Variants in ZNF385D observed in about 807,000 individuals in gnomAD.
The protein encoded by ZNF385D is zinc finger protein 385D, also known as zinc finger protein 659.
In ZNF385D, 15 loss-of-function variants were observed where a neutral mutation model predicts 35.8. The observed-to-expected ratio is 0.42, with a 90% CI of 0.28 to 0.64. The LOEUF is 0.64. Among genes scored for constraint, ZNF385D ranks in the 30% least tolerant of loss-of-function variants. ZNF385D has a pLI of 0.23. For synonymous variants in ZNF385D, 212 were observed against 186.8 expected (o/e 1.13, Z -1.10); for missense variants, 474 against 494.6 (o/e 0.96, Z 0.39).
At chr3:21,925,079 A>G (rs2125232196) in intron 3 of ZNF385D, among the ~76,000 whole-genome samples, 1 of 152,346 alleles carries the variant, frequency 6.6e-6, no homozygotes, top group South Asian at 2.1e-4. Flanking sequence ...AATTCTGCCA[A>G]AATTGATATA....
At chr3:21,946,864 A>G (rs1017079109) in intron 3 of ZNF385D, among the ~76,000 whole-genome samples, 6 of 152,198 alleles carry the variant, frequency 3.9e-5, no homozygotes, top group Non-Finnish European at 7.4e-5. Context: ...TAAAAAAATT[A>G]CTTTCTCATT....
chr3:21,558,111 A>AT (rs57100355), intron 3 of ZNF385D, among the ~76,000 whole-genome samples: 1,931 of 126,110 alleles, frequency 0.015, 22 homozygotes, highest in East Asian at 0.025. Flanking sequence ...GGATTCATTG[A>AT]TTTTTTTTTT....
At chr3:21,663,921 ATT>A (rs2066319823) in intron 2 of ZNF385D, among the ~76,000 whole-genome samples, 1 of 134,528 alleles carries the variant, frequency 7.4e-6, no homozygotes, top group African/African-American at 2.7e-5. Context: ...ATATATATTT[ATT>A]TATTTAAATC....
chr3:22,056,294 A>T, intron 3 of ZNF385D, among the ~76,000 whole-genome samples: 1 of 23,890 alleles, frequency 4.2e-5, no homozygotes, highest in Non-Finnish European at 8.8e-5. Flanking sequence ...AAAAAAAAAA[A>T]AAAAAAAAAA....
intron 2 of ZNF385D, among the ~76,000 whole-genome samples, chr3:22,188,338 C>T (rs1400037711): frequency 6.6e-6 from 1 of 152,116 alleles, no homozygotes; most frequent in African/African-American, 2.4e-5. Flanking sequence ...CTAAATCCTA[C>T]CTATAATAGT....
intron 3 of ZNF385D, among the ~76,000 whole-genome samples, chr3:21,953,622 T>G (rs993734584): frequency 3.3e-5 from 5 of 152,062 alleles, no homozygotes; most frequent in African/African-American, 1.2e-4. Context: ...ATTTTTTACC[T>G]CAACTAAACC....
intron 5 of ZNF385D, among the ~76,000 whole-genome samples, chr3:21,429,621 C>G (rs1405445459): frequency 6.6e-6 from 1 of 152,014 alleles, no homozygotes; most frequent in East Asian, 1.9e-4. Flanking sequence ...TCTCTCGATT[C>G]ACAGTGCCAA....
chr3:21,540,734 T>A (rs188407442), intron 3 of ZNF385D, among the ~76,000 whole-genome samples: 1 of 152,290 alleles, frequency 6.6e-6, no homozygotes, highest in Admixed American at 6.5e-5. Flanking sequence ...TTATGCCCAA[T>A]AAAGAGTAAC....
intron 2 of ZNF385D, among the ~76,000 whole-genome samples, chr3:21,572,955 T>A (rs1308024228): frequency 1.2e-4 from 18 of 152,168 alleles, no homozygotes; most frequent in South Asian, 1.0e-3. Flanking sequence ...GACACTTTTT[T>A]TTTTACTCCA....
chr3:21,823,487 G>C (rs1694407075), intron 3 of ZNF385D, among the ~76,000 whole-genome samples: 1 of 152,076 alleles, frequency 6.6e-6, no homozygotes, highest in Admixed American at 6.6e-5. Flanking sequence ...CACTCACCGT[G>C]TATATAGTAT....
In ZNF385D at chr3:21,624,166, A is replaced by T. The variant is rs138871910; in HGVS notation, c.165+40720T>A. Among the ~76,000 whole-genome samples the T allele has an allele frequency of 5.9e-5, 9 of 152,238 alleles. No individual in the cohort carries two copies. The East Asian group carries it at 1.7e-3, about 29-fold the overall frequency. On this transcript the variant is annotated intron_variant, in intron 2 of 7. Coordinates refer to ENST00000281523, the MANE Select transcript of ZNF385D (RefSeq NM_024697.3). ...TTATGGAAACCAACCGCACTATTTT[A>T]AGAAATGCCTCTATTCATAAAAGTG...
chr3:21,776,969 A>T (rs973486494), intron 3 of ZNF385D, among the ~76,000 whole-genome samples: 2 of 151,970 alleles, frequency 1.3e-5, no homozygotes, highest in Admixed American at 1.3e-4. Flanking sequence ...GAATCCCTGC[A>T]AACAATTGCT....
intron 3 of ZNF385D, among the ~76,000 whole-genome samples, chr3:21,977,032 A>C (rs1703672157): frequency 6.6e-6 from 1 of 152,166 alleles, no homozygotes; most frequent in South Asian, 2.1e-4. Flanking sequence ...ACATATAACA[A>C]CATTGATGAA....
At chr3:22,077,712 T>C (rs1335233190) in intron 3 of ZNF385D, among the ~76,000 whole-genome samples, 3 of 152,050 alleles carry the variant, frequency 2.0e-5, no homozygotes, top group Non-Finnish European at 4.4e-5. Flanking sequence ...GCAGATGTTT[T>C]AGAGTGCAGT....
chr3:21,935,187 T>A (rs1247488229), intron 3 of ZNF385D, among the ~76,000 whole-genome samples: 2 of 152,216 alleles, frequency 1.3e-5, no homozygotes, highest in Non-Finnish European at 2.9e-5. Context: ...GTTCTCTGAT[T>A]ATCAAAAGTA....
intron 2 of ZNF385D, among the ~76,000 whole-genome samples, chr3:21,567,468 G>A (rs926643358): frequency 6.6e-6 from 1 of 152,094 alleles, no homozygotes; most frequent in African/African-American, 2.4e-5. Context: ...AATCTGCGCT[G>A]CTTCAATAGC....
Position 21,941,622 on chromosome 3 carries a change from C to A in ZNF385D, c.325+227195G>T, listed in dbSNP as rs549682899. The stretch of plus-strand genomic sequence containing the variant: ...ACGCCATTCTCCTGCCTCAGCCTCC[C>A]GAGTAACTGGGACCACAGGCGCCCG... On this transcript the variant is annotated intron_variant, in intron 3 of 5. Transcript: ENST00000494108. 3.6e-4 allele frequency among the ~76,000 whole-genome samples: 55 copies of A among 151,516 alleles called. No individual in the cohort carries two copies. The South Asian group carries it at 0.011, about 29-fold the overall frequency.
At chr3:22,269,718 T>G (rs576142221) in intron 2 of ZNF385D, among the ~76,000 whole-genome samples, 45 of 151,964 alleles carry the variant, frequency 3.0e-4, no homozygotes, top group East Asian at 9.8e-4. Flanking sequence ...TCTCTTTTTT[T>G]GGGGGGAGGG....
chr3:22,312,166 A>G (rs188317006), intron 2 of ZNF385D, among the ~76,000 whole-genome samples: 35 of 152,270 alleles, frequency 2.3e-4, no homozygotes, highest in African/African-American at 8.2e-4. Flanking sequence ...TTCCCTTTGT[A>G]TTATGATACT....
Sources: gnomAD v4.1 joint callset for allele counts (sites outside exome capture counted in the v4.1 genomes callset) on GRCh38, gnomAD v4.1.1 for gene constraint, MANE v1.5 for transcripts, NCBI Gene and HGNC (gene_info 2026-07-23, HGNC 2026-07-21) for gene names.